SKAP2: variants seen among roughly 807,000 people sequenced by gnomAD.
The protein encoded by SKAP2 is src kinase-associated phosphoprotein 2.
In SKAP2, 28 loss-of-function variants were observed where a neutral mutation model predicts 54.9. The ratio of observed to expected loss-of-function variants is 0.51; its 90% CI spans 0.38 to 0.70. The LOEUF (loss-of-function observed/expected upper bound fraction) is 0.70, where lower values mean the gene tolerates loss of function less well. SKAP2 is among the 30% of genes least tolerant of loss of function. SKAP2 has a pLI of 0.00. For synonymous variants in SKAP2, 137 were observed against 134.3 expected, an observed-to-expected ratio of 1.02 and a Z score of -0.14; for missense variants, 356 against 424.1, an observed-to-expected ratio of 0.84 and a Z score of 1.41.
intron 4 of SKAP2, among the ~76,000 whole-genome samples, chr7:26,741,563 TAAA>T (rs60226048): frequency 0.044 from 4,389 of 98,832 alleles, 167 homozygotes; most frequent in African/African-American, 0.12. Flanking sequence ...AATAAATAAA[TAAA>T]TAAATAAATA....
chr7:26,723,585 T>A (rs1459488937), intron 9 of SKAP2, among the ~76,000 whole-genome samples: 1 of 152,050 alleles, frequency 6.6e-6, no homozygotes, highest in East Asian at 1.9e-4. Context: ...AAGAATAATA[T>A]CTCCAGTAAG....
chr7:26,850,596 G>GA (rs970099094), intron 3 of SKAP2, among the ~76,000 whole-genome samples: 6 of 143,476 alleles, frequency 4.2e-5, no homozygotes, highest in East Asian at 4.0e-4. Flanking sequence ...AAAAAAAAAA[G>GA]AAAAAAAAAG....
intron 11 of SKAP2, among the ~76,000 whole-genome samples, chr7:26,675,710 T>A (rs1186720314): frequency 6.6e-6 from 1 of 152,220 alleles, no homozygotes; most frequent in African/African-American, 2.4e-5. Flanking sequence ...TTAGGCATAG[T>A]TAAAGAATTG....
intron 4 of SKAP2, among the ~76,000 whole-genome samples, chr7:26,758,391 A>G (rs541850922): frequency 6.6e-6 from 1 of 152,358 alleles, no homozygotes; most frequent in South Asian, 2.1e-4. Flanking sequence ...ATTTAATTTA[A>G]TCAATACAAG....
intron 9 of SKAP2, among the ~76,000 whole-genome samples, chr7:26,720,089 CACACAT>C (rs1473110773): frequency 1.7e-4 from 25 of 149,092 alleles, no homozygotes; most frequent in Admixed American, 6.0e-4. Context: ...CACACACACA[CACACAT>C]CCCAGTTATG....
intron 4 of SKAP2, among the ~76,000 whole-genome samples, chr7:26,759,904 A>C (rs1782886272): frequency 6.6e-6 from 1 of 152,220 alleles, no homozygotes; most frequent in Non-Finnish European, 1.5e-5. Context: ...CAGCTACTTC[A>C]AAGTTCTACA....
intron 4 of SKAP2, among the ~76,000 whole-genome samples, chr7:26,754,533 C>CCAAT (rs1782749213): frequency 1.3e-5 from 2 of 152,078 alleles, no homozygotes; most frequent in South Asian, 4.1e-4. Flanking sequence ...CTGACATAGC[C>CCAAT]CAATCGTACA....
chr7:26,723,606 A>G (rs1166687249), intron 9 of SKAP2, among the ~76,000 whole-genome samples: 1 of 152,176 alleles, frequency 6.6e-6, no homozygotes, highest in East Asian at 1.9e-4. Flanking sequence ...AAAAAATAAA[A>G]GATGTTTCAT....
At chr7:26,730,333 A>C (rs1787796533) in intron 6 of SKAP2, among the ~76,000 whole-genome samples, 1 of 152,242 alleles carries the variant, frequency 6.6e-6, no homozygotes, top group Non-Finnish European at 1.5e-5. Flanking sequence ...AAATAAAGCT[A>C]TAAAGTCCAT....
chr7:26,726,728 CTT>C (rs1189649979), intron 7 of SKAP2, 152 bp downstream of exon 7: 31 of 565,152 alleles, frequency 5.5e-5, no homozygotes, highest in East Asian at 1.0e-4. Context: ...AAAATTTCCT[CTT>C]ATATGAATGT....
At chr7:26,828,493 C>A (rs370977961) in intron 4 of SKAP2, among the ~76,000 whole-genome samples, 1 of 149,934 alleles carries the variant, frequency 6.7e-6, no homozygotes, top group Non-Finnish European at 1.5e-5. Flanking sequence ...CTGGCTAACA[C>A]GGTGAAACCC....
chr7:26,697,359 G>C (rs1786918222), intron 9 of SKAP2, among the ~76,000 whole-genome samples: 1 of 152,144 alleles, frequency 6.6e-6, no homozygotes, highest in Non-Finnish European at 1.5e-5. Context: ...AGTTTTCATA[G>C]GTCAGATTCG....
chr7:26,742,625 G>T (rs1294995345), intron 4 of SKAP2: 1 of 151,998 alleles, frequency 6.6e-6, no homozygotes, highest in Non-Finnish European at 1.5e-5. Flanking sequence ...CTTCCCTGGG[G>T]AGTGGGGGAG....
intron 9 of SKAP2, among the ~76,000 whole-genome samples, chr7:26,723,326 T>C (rs1024454): frequency 0.44 from 66,940 of 151,986 alleles, 16,208 homozygotes; most frequent in East Asian, 0.6. Flanking sequence ...CTCAGTTACA[T>C]TGGGGAAGAA....
chr7:26,854,035 A>G, intron 3 of SKAP2, 102 bp downstream of exon 3: 1 of 768,422 alleles, frequency 1.3e-6, no homozygotes, highest in South Asian at 1.8e-5. Flanking sequence ...GGAAATCTAA[A>G]TTTTAATTCC....
intron 4 of SKAP2, among the ~76,000 whole-genome samples, chr7:26,790,055 C>T (rs974348351): frequency 5.3e-5 from 8 of 152,204 alleles, no homozygotes; most frequent in African/African-American, 1.4e-4. Flanking sequence ...GTATGTACTA[C>T]CGCTTGCACA....
intron 4 of SKAP2, among the ~76,000 whole-genome samples, chr7:26,842,606 C>A (rs1385350393): frequency 6.6e-6 from 1 of 151,704 alleles, no homozygotes; most frequent in African/African-American, 2.4e-5. Flanking sequence ...CCGTATGTCT[C>A]TCTTAGTATA....
chr7:26,860,421 G>C (rs1177446478), intron 1 of SKAP2, among the ~76,000 whole-genome samples: 1 of 152,056 alleles, frequency 6.6e-6, no homozygotes, highest in Admixed American at 6.6e-5. Flanking sequence ...AGGTACGATA[G>C]ATTTCATTTT....
chr7:26,747,978 G>A (rs1485323688), intron 4 of SKAP2, among the ~76,000 whole-genome samples: 1 of 151,958 alleles, frequency 6.6e-6, no homozygotes, highest in Non-Finnish European at 1.5e-5. Context: ...TTAAAATAAT[G>A]CTCAAAAAGT....
Sources: gnomAD v4.1 joint callset for allele counts (sites outside exome capture counted in the v4.1 genomes callset) on GRCh38, gnomAD v4.1.1 for gene constraint, MANE v1.5 for transcripts, NCBI Gene and HGNC (gene_info 2026-07-23, HGNC 2026-07-21) for gene names.